RTN1: variants seen among roughly 807,000 people sequenced by gnomAD.
RTN1 encodes the protein reticulon 1.
RTN1 carries 25 observed loss-of-function variants against 65.5 expected under a neutral mutation model. The observed-to-expected ratio is 0.38, with a 90% CI of 0.28 to 0.53. RTN1 has a LOEUF of 0.53. Among genes scored for constraint, RTN1 ranks in the 20% least tolerant of loss-of-function variants. The pLI, the probability that RTN1 is intolerant of heterozygous loss-of-function variation, is 0.79. For synonymous variants in RTN1, 471 were observed against 447.6 expected, an observed-to-expected ratio of 1.05 and a Z score of -0.66; for missense variants, 983 against 1,025.4, an observed-to-expected ratio of 0.96 and a Z score of 0.57.
intron 3 of RTN1, among the ~76,000 whole-genome samples, chr14:59,673,120 C>T (rs985295593): frequency 5.3e-5 from 8 of 152,096 alleles, no homozygotes; most frequent in Admixed American, 4.6e-4. Flanking sequence ...ATACTTTGTG[C>T]ACTTTCTTCC....
At chr14:59,659,130 T>TTCA (rs1883187598) in intron 3 of RTN1, among the ~76,000 whole-genome samples, 1 of 150,664 alleles carries the variant, frequency 6.6e-6, no homozygotes, top group Admixed American at 6.6e-5. Context: ...GAAGAAAGGA[T>TTCA]ATCAGAGATT....
In RTN1 at chr14:59,804,104, C is replaced by T. The variant is rs79596886; in HGVS notation, c.242-57623G>A. ...TTTACCTAATGTTCTTTCTGTCTTC[C>T]AGGATCCCATCCAGGACACCCCATT... is the stretch of plus-strand genomic sequence containing the variant. On this transcript the variant is annotated intron_variant, in intron 1 of 8. Coordinates refer to ENST00000267484, the MANE Select transcript of RTN1 (RefSeq NM_021136.3). 3.2e-3 allele frequency among the ~76,000 whole-genome samples: 486 copies of T among 152,192 alleles called. 15 individuals carry two copies. In the East Asian group the frequency reaches 0.083, roughly 26 times the overall value.
At chr14:59,732,820 C>T (rs974512444) in intron 2 of RTN1, among the ~76,000 whole-genome samples, 1 of 152,214 alleles carries the variant, frequency 6.6e-6, no homozygotes, top group Non-Finnish European at 1.5e-5. Context: ...TGAGCAGTGT[C>T]GTTTTGTGGG....
intron 3 of RTN1, among the ~76,000 whole-genome samples, chr14:59,619,561 G>C (rs1160952943): frequency 6.6e-6 from 1 of 152,120 alleles, no homozygotes; most frequent in African/African-American, 2.4e-5. Flanking sequence ...AGTACAGGGG[G>C]CTGAACATTT....
intron 3 of RTN1, among the ~76,000 whole-genome samples, chr14:59,647,435 C>A (rs1265954197): frequency 6.6e-6 from 1 of 152,178 alleles, no homozygotes; most frequent in Non-Finnish European, 1.5e-5. Context: ...AAATTCAACA[C>A]TGGACCAAAT....
intron 3 of RTN1, among the ~76,000 whole-genome samples, chr14:59,655,996 C>A (rs1883115346): frequency 6.6e-6 from 1 of 152,100 alleles, no homozygotes; most frequent in Admixed American, 6.5e-5. Context: ...AAATATCCAT[C>A]AGTTAATGAA....
intron 3 of RTN1, among the ~76,000 whole-genome samples, chr14:59,607,973 T>G (rs765121988): frequency 7.9e-5 from 12 of 152,126 alleles, no homozygotes; most frequent in Non-Finnish European, 1.6e-4. Context: ...CAACATGGTT[T>G]GTTTGCTTAC....
At chr14:59,608,632 G>A (rs554745171) in intron 3 of RTN1, among the ~76,000 whole-genome samples, 1 of 152,218 alleles carries the variant, frequency 6.6e-6, no homozygotes, top group African/African-American at 2.4e-5. Flanking sequence ...TTCATAACAG[G>A]CTGAGGATAC....
At chr14:59,672,596 T>A (rs990109297) in intron 3 of RTN1, among the ~76,000 whole-genome samples, 4 of 151,892 alleles carry the variant, frequency 2.6e-5, no homozygotes, top group Non-Finnish European at 5.9e-5. Context: ...GAATGAGTGA[T>A]TTGTTGAATG....
intron 1 of RTN1, among the ~76,000 whole-genome samples, chr14:59,793,194 A>G (rs1448814305): frequency 1.3e-5 from 2 of 152,208 alleles, no homozygotes; most frequent in Non-Finnish European, 2.9e-5. Flanking sequence ...ACTAATTAAC[A>G]TCAAGTACAC....
At chr14:59,840,301 T>G (rs1887288047) in intron 1 of RTN1, among the ~76,000 whole-genome samples, 1 of 152,120 alleles carries the variant, frequency 6.6e-6, no homozygotes, top group Admixed American at 6.5e-5. Flanking sequence ...ACTCAGAAAG[T>G]TGTTGTGAGG....
chr14:59,636,787 T>C (rs1364028496), intron 3 of RTN1, among the ~76,000 whole-genome samples: 1 of 152,240 alleles, frequency 6.6e-6, no homozygotes, highest in Non-Finnish European at 1.5e-5. Flanking sequence ...TACACTATAC[T>C]GTAGTCTATT....
At chr14:59,771,420 C>T (rs1278470325) in intron 1 of RTN1, among the ~76,000 whole-genome samples, 1 of 152,230 alleles carries the variant, frequency 6.6e-6, no homozygotes, top group Non-Finnish European at 1.5e-5. Context: ...GGCTTCTTAA[C>T]TTTTACAGAA....
rs548965301 is a variant in RTN1, at chr14:59,703,279, AG to A, written c.1765+23639del. 1.2e-4 allele frequency among the ~76,000 whole-genome samples: 18 copies of A among 152,284 alleles called. No homozygotes were observed. The East Asian group carries it at 3.5e-3, about 29-fold the overall frequency. On this transcript the variant is annotated intron_variant, in intron 3 of 8. Coordinates refer to ENST00000267484, the MANE Select transcript of RTN1 (RefSeq NM_021136.3). ...GTTGAAATGTGATTCCCAATGTTGG[AG>A]GTGGAGCCCAGGGTGGGAGGTGATT... is the stretch of plus-strand genomic sequence containing the variant.
intron 3 of RTN1, among the ~76,000 whole-genome samples, chr14:59,700,159 A>G (rs1448427889): frequency 6.6e-6 from 1 of 152,198 alleles, no homozygotes; most frequent in African/African-American, 2.4e-5. Context: ...TAAAATAATC[A>G]GGAATAAATT....
intron 1 of RTN1, among the ~76,000 whole-genome samples, chr14:59,822,717 G>T (rs1886963922): frequency 6.6e-6 from 1 of 151,880 alleles, no homozygotes; most frequent in African/African-American, 2.4e-5. Flanking sequence ...TTGTACCTTT[G>T]TTTTCATTAG....
At chr14:59,609,114 G>A (rs1195641282) in intron 3 of RTN1, among the ~76,000 whole-genome samples, 11 of 151,670 alleles carry the variant, frequency 7.3e-5, no homozygotes, top group Non-Finnish European at 1.2e-4. Context: ...GTGAAACCCC[G>A]TCTCTACTAA....
At chr14:59,805,872 A>G (rs1202164938) in intron 1 of RTN1, among the ~76,000 whole-genome samples, 3 of 152,156 alleles carry the variant, frequency 2.0e-5, no homozygotes, top group Non-Finnish European at 4.4e-5. Context: ...ACTGAATTCA[A>G]TCCTATTTGA....
chr14:59,796,595 A>T (rs899036865), intron 1 of RTN1, among the ~76,000 whole-genome samples: 13 of 152,160 alleles, frequency 8.5e-5, no homozygotes, highest in Non-Finnish European at 1.9e-4. Flanking sequence ...TTGCATGAAC[A>T]TTCTATGCTG....
Sources: gnomAD v4.1 joint callset for allele counts (sites outside exome capture counted in the v4.1 genomes callset) on GRCh38, gnomAD v4.1.1 for gene constraint, MANE v1.5 for transcripts, NCBI Gene and HGNC (gene_info 2026-07-23, HGNC 2026-07-21) for gene names.